The following HECW1 variants were observed in gnomAD, a reference collection of about 807,000 sequenced individuals.
The protein encoded by HECW1 is HECT, C2 and WW domain containing E3 ubiquitin protein ligase 1, also known as E3 ubiquitin-protein ligase HECW1.
In HECW1, 61 loss-of-function variants were observed where a neutral mutation model predicts 182.3. The observed-to-expected ratio is 0.33, with a 90% CI of 0.27 to 0.41. The LOEUF (loss-of-function observed/expected upper bound fraction) is 0.41, where lower values mean the gene tolerates loss of function less well. HECW1 is among the 10% of genes least tolerant of loss of function. HECW1 has a pLI of 1.00. For missense variants in HECW1, 1,739 were observed against 2,108.9 expected (o/e 0.82, Z 3.44); for synonymous variants, 859 against 832.6 (o/e 1.03, Z -0.55).
chr7:43,464,899 T>A (rs1363509162), intron 14 of HECW1, among the ~76,000 whole-genome samples: 1 of 152,066 alleles, frequency 6.6e-6, no homozygotes, highest in Non-Finnish European at 1.5e-5. Context: ...ACTCCTGGGC[T>A]CAAACAGTCC....
At chr7:43,539,914 A>G (rs2081303921) in intron 24 of HECW1, among the ~76,000 whole-genome samples, 1 of 152,116 alleles carries the variant, frequency 6.6e-6, no homozygotes, top group African/African-American at 2.4e-5. Context: ...GGGAAAGGGC[A>G]CCCAGGAATG....
chr7:43,457,570 C>T lies in HECW1; in HGVS notation c.2651+1123C>T, dbSNP rs561013929. Among the ~76,000 whole-genome samples, 229 of 152,024 alleles carry T rather than the reference C, an allele frequency of 1.5e-3. 2 individuals carry two copies. Among genetic ancestry groups the T allele is most frequent in the African/African-American group, 4.2e-3 (174 of 41,488 alleles). On this transcript the variant is annotated intron_variant, in intron 13 of 29. Coordinates refer to ENST00000395891, the MANE Select transcript of HECW1 (RefSeq NM_015052.5). The stretch of plus-strand genomic sequence containing the variant: ...GGTGGATCATTTGAAGTCAGGAGTT[C>T]GAGACCAGCCTGGCCAACATGGTAA...
intron 3 of HECW1, among the ~76,000 whole-genome samples, chr7:43,294,777 G>A (rs950641569): frequency 3.3e-5 from 5 of 152,178 alleles, no homozygotes; most frequent in East Asian, 3.9e-4. Context: ...TATCTGAGAC[G>A]GGTCTCAATC....
intron 3 of HECW1, among the ~76,000 whole-genome samples, chr7:43,309,904 G>T (rs1040535302): frequency 6.6e-6 from 1 of 152,120 alleles, no homozygotes; most frequent in Admixed American, 6.5e-5. Context: ...CTTAGCAAGA[G>T]ATTTTTATTT....
intron 2 of HECW1, among the ~76,000 whole-genome samples, chr7:43,237,078 G>C (rs36145761): frequency 0.15 from 22,184 of 150,278 alleles, 2,310 homozygotes; most frequent in Non-Finnish European, 0.21. Flanking sequence ...AAGGAGGGAG[G>C]GAGGGAGGAA....
At chr7:43,487,269 GC>G (rs1305392451) in intron 17 of HECW1, among the ~76,000 whole-genome samples, 1 of 152,138 alleles carries the variant, frequency 6.6e-6, no homozygotes, top group African/African-American at 2.4e-5. Context: ...TTCCCAAATT[GC>G]AACATTGAAG....
At chr7:43,158,767 G>A (rs924404685) in intron 2 of HECW1, among the ~76,000 whole-genome samples, 10 of 152,108 alleles carry the variant, frequency 6.6e-5, no homozygotes, top group African/African-American at 2.2e-4. Context: ...TGAGACAATG[G>A]TAACTGCACC....
intron 3 of HECW1, among the ~76,000 whole-genome samples, chr7:43,281,738 T>A (rs1394889503): frequency 6.7e-6 from 1 of 148,914 alleles, no homozygotes; most frequent in South Asian, 2.1e-4. Flanking sequence ...TTTTTTTTTT[T>A]TAGAGAGACA....
intron 6 of HECW1, among the ~76,000 whole-genome samples, chr7:43,362,742 C>T (rs969949342): frequency 3.3e-5 from 5 of 152,216 alleles, no homozygotes; most frequent in Non-Finnish European, 7.3e-5. Flanking sequence ...GCACTGAGCA[C>T]ACAACAGGCA....
At chr7:43,190,852 C>T (rs534164256) in intron 2 of HECW1, among the ~76,000 whole-genome samples, 2 of 152,330 alleles carry the variant, frequency 1.3e-5, no homozygotes, top group East Asian at 3.9e-4. Context: ...TAGACCCAGT[C>T]TTGTTTCTGG....
chr7:43,215,917 G>A (rs17172174), intron 2 of HECW1, among the ~76,000 whole-genome samples: 24,936 of 152,158 alleles, frequency 0.16, 2,262 homozygotes, highest in Middle Eastern at 0.3. Flanking sequence ...TATAGGGCCA[G>A]TGTTCAGAGA....
intron 17 of HECW1, among the ~76,000 whole-genome samples, chr7:43,488,017 GC>G (rs1284507679): frequency 6.6e-6 from 1 of 150,684 alleles, no homozygotes; most frequent in African/African-American, 2.4e-5. Flanking sequence ...CAGCCAGCCA[GC>G]CAGCCAGGCA....
intron 24 of HECW1, among the ~76,000 whole-genome samples, chr7:43,528,811 T>C (rs1358499888): frequency 6.6e-6 from 1 of 152,218 alleles, no homozygotes; most frequent in Non-Finnish European, 1.5e-5. Context: ...GTCATTATCC[T>C]GTGTTGGCAG....
At chr7:43,396,178 T>C (rs2075224392) in intron 6 of HECW1, among the ~76,000 whole-genome samples, 1 of 152,218 alleles carries the variant, frequency 6.6e-6, no homozygotes, top group Admixed American at 6.5e-5. Context: ...AACCTATTAC[T>C]AAATATTGAG....
chr7:43,170,110 C>G (rs996887312), intron 2 of HECW1, among the ~76,000 whole-genome samples: 1 of 152,180 alleles, frequency 6.6e-6, no homozygotes, highest in Non-Finnish European at 1.5e-5. Flanking sequence ...ACCGCTTGAG[C>G]TCTGCCTCCT....
Position 43,445,314 on chromosome 7 carries a change from C to T in HECW1, c.2142C>T (p.Ala714=). Residue 714 remains alanine (A), a synonymous_variant, in exon 11 of 30, where the codon GCC becomes GCT. Coordinates refer to ENST00000395891, the MANE Select transcript of HECW1 (RefSeq NM_015052.5). ...CCTGCTACAACGGCAACAGGTTCGC[C>T]AGCCACACGCGCTTCTCCTCCGTGG... ...SPSCYNGNRF[A]SHTRFSSVDS... is the part of the protein sequence containing the mutation. 1 of 1,613,778 alleles carries T rather than the reference C, an allele frequency of 6.2e-7. No homozygotes were observed. Among genetic ancestry groups the T allele is most frequent in the East Asian group, 2.2e-5 (1 of 44,868 alleles).
At chr7:43,211,069 A>G (rs187488721) in intron 2 of HECW1, among the ~76,000 whole-genome samples, 4 of 152,238 alleles carry the variant, frequency 2.6e-5, no homozygotes, top group Admixed American at 2.0e-4. Flanking sequence ...ATGATTGGCT[A>G]TTTCTTTACC....
In HECW1 at chr7:43,401,575, T is replaced by TTG. The variant is rs1554400188; in HGVS notation, c.631+4687_631+4688insGT. 2.0e-5 allele frequency among the ~76,000 whole-genome samples: 3 copies of TTG among 149,090 alleles called. No homozygotes were observed. The East Asian group carries it at 5.9e-4, about 30-fold the overall frequency. ...AAATCTCATTTAAAAAGGTTTTTTT[T>TTG]TTTTTTTTTTTCCCCCAAATATAGC... On this transcript the variant is annotated intron_variant, in intron 7 of 29. Transcript: ENST00000395891.
chr7:43,321,225 G>A (rs74615165), intron 5 of HECW1, among the ~76,000 whole-genome samples: 10,623 of 152,204 alleles, frequency 0.07, 477 homozygotes, highest in Middle Eastern at 0.13. Flanking sequence ...CAGCTCCCCC[G>A]GAGGGCTGTG....
Sources: gnomAD v4.1 joint callset for allele counts (sites outside exome capture counted in the v4.1 genomes callset) on GRCh38, gnomAD v4.1.1 for gene constraint, MANE v1.5 for transcripts, NCBI Gene and HGNC (gene_info 2026-07-23, HGNC 2026-07-21) for gene names.